The following MGAT4C variants were observed in gnomAD, a reference collection of about 807,000 sequenced individuals.
The protein encoded by MGAT4C is alpha-1,3-mannosyl-glycoprotein 4-beta-N-acetylglucosaminyltransferase C.
In MGAT4C, 19 loss-of-function variants were observed where a neutral mutation model predicts 40.1. The observed-to-expected ratio is 0.47, with a 90% CI of 0.33 to 0.70. The LOEUF is 0.70. Ranked by LOEUF, MGAT4C falls within the 30% of genes least tolerant of loss-of-function variation. The probability of loss-of-function intolerance (pLI) is 0.02; values close to 1 mark genes in which losing one functional copy is unlikely to be tolerated. For missense variants in MGAT4C, 491 were observed against 563.2 expected (o/e 0.87, Z 1.30); for synonymous variants, 181 against 187.1 (o/e 0.97, Z 0.27).
intron 1 of MGAT4C, among the ~76,000 whole-genome samples, chr12:86,215,008 CACAGGG>C (rs1950614366): frequency 6.6e-6 from 1 of 152,090 alleles, no homozygotes; most frequent in Non-Finnish European, 1.5e-5. Flanking sequence ...CTATGACCTT[CACAGGG>C]TCTTCTTGAC....
chr12:86,297,301 G>A (rs1953705871), intron 4 of MGAT4C, among the ~76,000 whole-genome samples: 1 of 152,116 alleles, frequency 6.6e-6, no homozygotes, highest in Admixed American at 6.5e-5. Context: ...ACAACAGTGG[G>A]AGGCAAGATT....
intron 1 of MGAT4C, among the ~76,000 whole-genome samples, chr12:86,069,700 T>G (rs1463710508): frequency 6.6e-6 from 1 of 152,146 alleles, no homozygotes; most frequent in Non-Finnish European, 1.5e-5. Context: ...ATTCAAAATA[T>G]ATCCATAACA....
chr12:86,509,678 T>A (rs1958537965), intron 2 of MGAT4C, among the ~76,000 whole-genome samples: 1 of 152,184 alleles, frequency 6.6e-6, no homozygotes, highest in Non-Finnish European at 1.5e-5. Flanking sequence ...TGATATTGAT[T>A]CTTCCTACCC....
intron 1 of MGAT4C, among the ~76,000 whole-genome samples, chr12:86,234,796 G>GGTCACCA (rs1951462570): frequency 6.6e-6 from 1 of 151,964 alleles, no homozygotes; most frequent in Non-Finnish European, 1.5e-5. Context: ...CTATTCCCAA[G>GGTCACCA]GTCACCAATG....
chr12:86,267,737 AT>A (rs1467044355), intron 4 of MGAT4C, among the ~76,000 whole-genome samples: 1 of 152,176 alleles, frequency 6.6e-6, no homozygotes, highest in African/African-American at 2.4e-5. Context: ...CATTGAATAA[AT>A]GCAGAGCAAA....
At chr12:86,219,158 G>A (rs1950782850) in intron 1 of MGAT4C, among the ~76,000 whole-genome samples, 1 of 151,934 alleles carries the variant, frequency 6.6e-6, no homozygotes, top group Non-Finnish European at 1.5e-5. Context: ...CCAGCCTGAT[G>A]ACAGAGTGAG....
intron 3 of MGAT4C, among the ~76,000 whole-genome samples, chr12:85,985,118 T>G (rs971121308): frequency 6.6e-6 from 1 of 152,200 alleles, no homozygotes; most frequent in Non-Finnish European, 1.5e-5. Flanking sequence ...AAAGTCAAGC[T>G]AGGCATGTGC....
intron 2 of MGAT4C, among the ~76,000 whole-genome samples, chr12:85,996,516 G>A (rs183161849): frequency 9.2e-5 from 14 of 152,114 alleles, no homozygotes; most frequent in Non-Finnish European, 1.9e-4. Flanking sequence ...TGTTTTCTTC[G>A]GCAACAATAG....
intron 2 of MGAT4C, among the ~76,000 whole-genome samples, chr12:86,491,303 G>A (rs897506952): frequency 1.3e-5 from 2 of 152,082 alleles, no homozygotes; most frequent in Non-Finnish European, 2.9e-5. Flanking sequence ...TATGAGGCCA[G>A]CATCATCTTG....
At chr12:86,168,845 G>A (rs1886479687) in intron 1 of MGAT4C, among the ~76,000 whole-genome samples, 1 of 152,068 alleles carries the variant, frequency 6.6e-6, no homozygotes, top group Non-Finnish European at 1.5e-5. Context: ...AAACAAAAGA[G>A]TCTTTTCTTT....
intron 2 of MGAT4C, among the ~76,000 whole-genome samples, chr12:86,044,352 C>A (rs1892179826): frequency 6.6e-6 from 1 of 152,146 alleles, no homozygotes; most frequent in Non-Finnish European, 1.5e-5. Context: ...TGTTTGTTTG[C>A]ACATGCCAGC....
At chr12:86,235,238 C>G (rs555708666) in intron 1 of MGAT4C, among the ~76,000 whole-genome samples, 1 of 152,032 alleles carries the variant, frequency 6.6e-6, no homozygotes, top group East Asian at 1.9e-4. Context: ...CTTCTTCTTC[C>G]CCATGCTATC....
At chr12:86,616,604 C>T (rs1021240714) in intron 2 of MGAT4C, among the ~76,000 whole-genome samples, 1 of 151,810 alleles carries the variant, frequency 6.6e-6, no homozygotes, top group South Asian at 2.1e-4. Context: ...AAATCTTCTT[C>T]AAAAATATCA....
Position 86,170,087 on chromosome 12 carries a change from A to G in MGAT4C, c.-57+86152T>C, listed in dbSNP as rs556449099. Among the ~76,000 whole-genome samples the G allele has an allele frequency of 5.3e-5, 8 of 152,268 alleles. No homozygotes were observed. In the South Asian group the frequency reaches 1.2e-3, roughly 24 times the overall value. ...TGGAAGAATTGATTGGGAACTTTTT[A>G]CTCCCAGATGTGTGGCAGAAAGCAG... On this transcript the variant is annotated intron_variant, in intron 1 of 4. Transcript: ENST00000611864.
chr12:86,643,140 C>G (rs1420716091), intron 2 of MGAT4C, among the ~76,000 whole-genome samples: 1 of 151,582 alleles, frequency 6.6e-6, no homozygotes, highest in Non-Finnish European at 1.5e-5. Flanking sequence ...CGAGAAATAG[C>G]AAGGGAGATA....
At chr12:86,243,318 C>T (rs1211699501) in intron 1 of MGAT4C, among the ~76,000 whole-genome samples, 2 of 152,176 alleles carry the variant, frequency 1.3e-5, no homozygotes, top group Admixed American at 1.3e-4. Context: ...TTGGCAGTGG[C>T]AGCTGACAGT....
chr12:86,036,122 G>T (rs11830958), intron 2 of MGAT4C, among the ~76,000 whole-genome samples: 16,887 of 149,876 alleles, frequency 0.11, 2,635 homozygotes, highest in African/African-American at 0.32. Context: ...GAAAGTCAAT[G>T]GTCGCTTGCT....
chr12:86,114,988 G>A (rs1878152300), intron 1 of MGAT4C, among the ~76,000 whole-genome samples: 1 of 151,890 alleles, frequency 6.6e-6, no homozygotes, highest in Non-Finnish European at 1.5e-5. Context: ...GAATTCATCT[G>A]TTTTACTGTT....
chr12:86,740,252 G>GA (rs1388689442), intron 1 of MGAT4C, among the ~76,000 whole-genome samples: 3 of 150,578 alleles, frequency 2.0e-5, no homozygotes, highest in African/African-American at 7.3e-5. Context: ...TTTTTTCTTT[G>GA]AAAAAATACT....
Sources: allele counts gnomAD v4.1 joint callset (sites outside exome capture counted in the v4.1 genomes callset), GRCh38; gene constraint gnomAD v4.1.1; transcripts MANE v1.5; gene names NCBI Gene and HGNC (gene_info 2026-07-23, HGNC 2026-07-21).